ARVCF: variants seen among roughly 807,000 people sequenced by gnomAD.
ARVCF encodes ARVCF delta catenin family member.
ARVCF carries 66 observed loss-of-function variants against 90.9 expected under a neutral mutation model. The ratio of observed to expected loss-of-function variants is 0.73; its 90% CI spans 0.60 to 0.89. The LOEUF (loss-of-function observed/expected upper bound fraction) is 0.89, where lower values mean the gene tolerates loss of function less well. Among genes scored for constraint, ARVCF ranks in the 40% least tolerant of loss-of-function variants. The pLI is 0.00. For missense variants in ARVCF, 1,469 were observed against 1,382.3 expected (o/e 1.06, Z -1.00); for synonymous variants, 653 against 603.4 (o/e 1.08, Z -1.21).
intron 2 of ARVCF, among the ~76,000 whole-genome samples, chr22:19,993,121 G>A (rs1370472163): frequency 6.6e-6 from 1 of 152,148 alleles, no homozygotes; most frequent in Non-Finnish European, 1.5e-5. Context: ...ATCTGCCCCA[G>A]CCGCAGGGTG....
rs1942676506 is a variant in ARVCF at position 19,970,260 on chromosome 22, A to C, written c.*496T>G. On this transcript the variant is annotated 3_prime_UTR_variant, in exon 20 of 20. Coordinates refer to ENST00000263207, the MANE Select transcript of ARVCF (RefSeq NM_001670.3). ...GGCTGGGCCTTGTGGGGCACCCCCCACACCGTGGTCTGCCTGCCTGCAGGG... is the reference window on the plus strand; with the variant it reads ...GGCTGGGCCTTGTGGGGCACCCCCCCCACCGTGGTCTGCCTGCCTGCAGGG... 4 of 992,954 alleles carry C rather than the reference A, an allele frequency of 4.0e-6. No homozygotes were observed. Among genetic ancestry groups the C allele is most frequent in the Non-Finnish European group, 4.8e-6 (4 of 834,098 alleles). The allele number at this position is 992,954 out of a possible 1,614,324, so 61.5% of individuals were successfully genotyped here.
At position 19,974,217 on chromosome 22, in the gene ARVCF, G is replaced by A. The variant is rs78866590; in HGVS notation, c.1983C>T (p.Pro661=). The A allele has an allele frequency of 4.1e-4, 662 of 1,611,536 alleles. 7 individuals are homozygous for A. In the East Asian group the frequency reaches 0.014, roughly 33 times the overall value. ...GGGAGAGGTAGAGACGTACCACCTCGGGCTGGTACAGCAGCTCAAAGCCTA... is the reference window on the plus strand; with the variant it reads ...GGGAGAGGTAGAGACGTACCACCTCAGGCTGGTACAGCAGCTCAAAGCCTA... ...AAKGFELLYQ[P]EVVRLYLSLL... Residue 661 remains proline, a synonymous_variant, in exon 12 of 20, where the codon CCC becomes CCT. Coordinates refer to ENST00000263207, the MANE Select transcript of ARVCF (RefSeq NM_001670.3).
intron 5 of ARVCF, chr22:19,980,586 C>T: frequency 3.7e-6 from 1 of 272,580 alleles, no homozygotes; most frequent in Non-Finnish European, 6.8e-6. Flanking sequence ...GAGACCGTCT[C>T]ACCTCCCTTC....
Position 19,987,979 on chromosome 22 carries a change from A to G in ARVCF, c.210+2606T>C, listed in dbSNP as rs569195549. ...GCCACCTTCTTATGTCAAACCCCAC[A>G]AAGGCCAAGCCAATGGCTCCAGCAT... On this transcript the variant is annotated intron_variant, in intron 3 of 19. Transcript: ENST00000263207. Among the ~76,000 whole-genome samples the G allele has an allele frequency of 7.9e-5, 12 of 152,272 alleles. No individual in the cohort carries two copies. In the South Asian group the frequency reaches 2.1e-3, roughly 26 times the overall value.
chr22:19,984,123 A>T (rs1219001436), intron 3 of ARVCF, among the ~76,000 whole-genome samples: 1 of 152,202 alleles, frequency 6.6e-6, no homozygotes, highest in Non-Finnish European at 1.5e-5. Context: ...AAGACTGAGG[A>T]AACGTTACCC....
At chr22:19,993,994 G>A (rs1569181821) in intron 2 of ARVCF, among the ~76,000 whole-genome samples, 1 of 152,198 alleles carries the variant, frequency 6.6e-6, no homozygotes, top group South Asian at 2.1e-4. Flanking sequence ...GGCCCGAGGA[G>A]AGAAGCATGG....
rs961836686 is a variant in ARVCF, at chr22:19,975,745, C to T, written c.1901G>A (p.Gly634Asp). 1.2e-6 allele frequency: 2 copies of T among 1,613,610 alleles called. No homozygotes were observed. Among genetic ancestry groups the T allele is most frequent in the Non-Finnish European group, 1.7e-6 (2 of 1,179,958 alleles). Residue 634 changes from glycine (G) to aspartate (D), a missense_variant, in exon 11 of 20, where the codon GGT (glycine) becomes GAT (aspartate). Physicochemically the swap from Gly to Asp is moderately conservative, Grantham distance 94. Transcript: ENST00000263207. ...EEWFHQGKKD[G>D]EMDRNFDTLD... is the part of the protein sequence containing the mutation. ...CGTGTCAAAGTTCCGGTCCATCTCACCATCCTTCTTTCCTGGAAGGGAAAG... is the reference window on the plus strand; with the variant it reads ...CGTGTCAAAGTTCCGGTCCATCTCATCATCCTTCTTTCCTGGAAGGGAAAG...
rs71313932 is a variant in ARVCF, at chr22:19,972,675, G to C, written c.2641+62C>G. ...GACTCCTCCTTCACCTTCACCCAAG[G>C]GTCAGGCAACTGGGGCAGCTGGGGT... On this transcript the variant is annotated intron_variant, in intron 16 of 19. Transcript: ENST00000263207. 417,475 of 1,504,852 alleles carry C rather than the reference G, an allele frequency of 0.28. 60,466 individuals carry two copies. The highest frequency in any genetic ancestry group is 0.33 in the South Asian group (25,193 of 77,132). 93.2% of individuals were successfully genotyped at this position (1,504,852 alleles called of 1,614,324 possible). A position where few individuals can be genotyped will look rare whatever the true frequency, so the allele number is the denominator to read the frequency against.
At chr22:20,012,961 G>A (rs542936897) in intron 1 of ARVCF, among the ~76,000 whole-genome samples, 12 of 152,360 alleles carry the variant, frequency 7.9e-5, no homozygotes, top group Non-Finnish European at 1.5e-4. Context: ...AGGGGCCCAG[G>A]TGAGCTCGCT....
downstream of ARVCF, chr22:19,967,391 A>G: frequency 4.5e-6 from 2 of 447,786 alleles, no homozygotes; most frequent in Non-Finnish European, 4.3e-6. Flanking sequence ...CATTGCTAGG[A>G]CATTTTTTTT....
chr22:19,969,706 T>G, downstream of ARVCF: 3 of 439,026 alleles, frequency 6.8e-6, no homozygotes, highest in Non-Finnish European at 9.0e-6. Context: ...CTCCTATGGA[T>G]AGACAGACCA....
In ARVCF at chr22:19,980,851, G is replaced by A. The variant is rs1943451667; in HGVS notation, c.896+360C>T. The stretch of plus-strand genomic sequence containing the variant: ...GTCACACAACAAAATCCTGACCCGG[G>A]CTGTGGTCACATCCCCACTCCAGAG... On this transcript the variant is annotated intron_variant, in intron 5 of 19. Coordinates refer to ENST00000263207, the MANE Select transcript of ARVCF (RefSeq NM_001670.3). 1.2e-5 allele frequency: 3 copies of A among 257,564 alleles called. No individual in the cohort carries two copies. The Admixed American group carries it at 1.5e-4, about 13-fold the overall frequency. The allele number at this position is 257,564 out of a possible 1,614,324, so 16.0% of individuals were successfully genotyped here.
intron 6 of ARVCF, 103 bp downstream of exon 6, chr22:19,979,640 T>A: frequency 6.9e-7 from 1 of 1,448,514 alleles, no homozygotes; most frequent in Non-Finnish European, 9.1e-7. Context: ...GCCTACCGGG[T>A]GCTTTCCCAG....
chr22:19,979,762 C>A lies in ARVCF; in HGVS notation c.1377G>T (p.Glu459Asp), dbSNP rs550339364. ...ACTCACCAGTGACAAGCTCACGGAC[C>A]TCGTTGTCCCGGGCAGCCCTCAGCA... is the stretch of plus-strand genomic sequence containing the variant. The part of the protein sequence containing the change: ...VRLLRAARDN[E>D]VRELVTGTLW... The change falls in exon 6 of 20, where the codon GAG becomes GAT. Residue 459 changes from glutamate (E) to aspartate (D), a missense_variant. Physicochemically the swap from Glu to Asp is conservative, Grantham distance 45. Coordinates refer to ENST00000263207, the MANE Select transcript of ARVCF (RefSeq NM_001670.3). 5 of 1,602,230 alleles carry A rather than the reference C, an allele frequency of 3.1e-6. No individual in the cohort carries two copies. Among genetic ancestry groups the A allele is most frequent in the Middle Eastern group, 1.7e-4 (1 of 6,030 alleles).
chr22:19,987,233 GAGCA>G, intron 3 of ARVCF: 1 of 324,396 alleles, frequency 3.1e-6, no homozygotes, highest in Non-Finnish European at 5.6e-6. Context: ...CGGTCACGGC[GAGCA>G]GCCAATCGGG....
In ARVCF at chr22:20,016,680, G is replaced by GGGCGCGGCGCGGTGC. The variant is rs1263962903; in HGVS notation, c.-179_-165dup. ...TGGCGCGCGGGGAGCGGCGTTCCCA[G>GGGCGCGGCGCGGTGC]GGCGCGGCGCGGTGCGGCGCGGCGC... On this transcript the variant is annotated 5_prime_UTR_variant, in exon 1 of 20. Transcript: ENST00000263207. 3.3e-5 allele frequency: 5 copies of GGGCGCGGCGCGGTGC among 150,898 alleles called. No individual in the cohort carries two copies. Among genetic ancestry groups the GGGCGCGGCGCGGTGC allele is most frequent in the East Asian group, 3.9e-4 (2 of 5,080 alleles). 9.3% of individuals were successfully genotyped at this position (150,898 alleles called of 1,614,324 possible). A position where few individuals can be genotyped will look rare whatever the true frequency, so the allele number is the denominator to read the frequency against.
intron 2 of ARVCF, among the ~76,000 whole-genome samples, chr22:19,993,109 C>A (rs1163071007): frequency 6.6e-6 from 1 of 152,180 alleles, no homozygotes; most frequent in East Asian, 1.9e-4. Context: ...TGGGCCTGTG[C>A]CATCTGCCCC....
Position 19,972,965 on chromosome 22 carries a change from C to G in ARVCF, c.2510G>C (p.Gly837Ala), listed in dbSNP as rs147541177. ...GGTCCAACCATCTTTCTGCAAGGTA[C>G]CACGCAGCTCCTTGTAGCTCCACAC... is the stretch of plus-strand genomic sequence containing the variant. The part of the protein sequence containing the change: ...QTVWSYKELR[G>A]TLQKDGWTKA... The change falls in exon 15 of 20, where the codon GGT (glycine) becomes GCT (alanine). Residue 837 changes from glycine to alanine, a missense_variant. Physicochemically the swap from Gly to Ala is moderately conservative, Grantham distance 60 (BLOSUM62 0). Coordinates refer to ENST00000263207, the MANE Select transcript of ARVCF (RefSeq NM_001670.3). 2 of 1,613,654 alleles carry G rather than the reference C, an allele frequency of 1.2e-6. No homozygotes were observed. Among genetic ancestry groups the G allele is most frequent in the African/African-American group, 2.7e-5 (2 of 74,936 alleles).
intron 3 of ARVCF, among the ~76,000 whole-genome samples, chr22:19,989,600 G>C (rs1264788940): frequency 1.3e-5 from 2 of 152,188 alleles, no homozygotes; most frequent in Admixed American, 1.3e-4. Flanking sequence ...GCCAGGCGCA[G>C]GTCCCCAGAG....
Sources: gnomAD v4.1 joint callset for allele counts (sites outside exome capture counted in the v4.1 genomes callset) on GRCh38, gnomAD v4.1.1 for gene constraint, MANE v1.5 for transcripts, NCBI Gene and HGNC (gene_info 2026-07-23, HGNC 2026-07-21) for gene names.